LSAMP: variants seen among roughly 807,000 people sequenced by gnomAD.
LSAMP encodes the protein limbic system-associated membrane protein.
In LSAMP, 7 loss-of-function variants were observed where a neutral mutation model predicts 38.6. That is an observed-to-expected ratio of 0.18 (90% CI 0.10 to 0.34). The LOEUF (loss-of-function observed/expected upper bound fraction) is 0.34. Among genes scored for constraint, LSAMP ranks in the 10% least tolerant of loss-of-function variants. The pLI, the probability that LSAMP is intolerant of heterozygous loss-of-function variation, is 1.00. For missense variants in LSAMP, 313 were observed against 420.0 expected, an observed-to-expected ratio of 0.75 and a Z score of 2.23; for synonymous variants, 154 against 166.8, an observed-to-expected ratio of 0.92 and a Z score of 0.59.
chr3:116,197,637 T>C (rs1576425912), intron 1 of LSAMP, among the ~76,000 whole-genome samples: 1 of 152,328 alleles, frequency 6.6e-6, no homozygotes, highest in East Asian at 1.9e-4. Context: ...TCTTAATTCT[T>C]CTATTTCAGT....
intron 1 of LSAMP, among the ~76,000 whole-genome samples, chr3:116,287,180 T>C (rs142655183): frequency 1.1e-3 from 173 of 152,216 alleles, no homozygotes; most frequent in Middle Eastern, 6.8e-3. Flanking sequence ...TGTGTGTACA[T>C]GTATATGGAG....
At chr3:116,419,492 T>A (rs1380288414) in intron 1 of LSAMP, among the ~76,000 whole-genome samples, 1 of 152,074 alleles carries the variant, frequency 6.6e-6, no homozygotes, top group African/African-American at 2.4e-5. Flanking sequence ...AGAAAATGAG[T>A]GCTCTGAGGT....
chr3:116,132,651 CT>C (rs1681202924), intron 1 of LSAMP, among the ~76,000 whole-genome samples: 2 of 152,286 alleles, frequency 1.3e-5, no homozygotes, highest in Non-Finnish European at 2.9e-5. Context: ...CAAATGTCTC[CT>C]TTTTCTTATT....
At chr3:116,071,806 G>A (rs534870495) in intron 2 of LSAMP, among the ~76,000 whole-genome samples, 3 of 152,090 alleles carry the variant, frequency 2.0e-5, no homozygotes, top group African/African-American at 7.2e-5. Context: ...GTGTCCATAT[G>A]TTTTCATCAT....
chr3:116,241,499 G>A (rs1406259237), intron 1 of LSAMP, among the ~76,000 whole-genome samples: 2 of 152,168 alleles, frequency 1.3e-5, no homozygotes, highest in Admixed American at 6.5e-5. Flanking sequence ...CCCAGGAGGT[G>A]GAAGTTGCAG....
chr3:116,329,426 G>C (rs2047819626), intron 1 of LSAMP, among the ~76,000 whole-genome samples: 1 of 152,134 alleles, frequency 6.6e-6, no homozygotes, highest in Middle Eastern at 3.2e-3. Context: ...TGAAATTAAA[G>C]TAGTTCTCCT....
At chr3:115,868,426 A>T (rs1400602735) in intron 3 of LSAMP, among the ~76,000 whole-genome samples, 1 of 152,166 alleles carries the variant, frequency 6.6e-6, no homozygotes, top group Non-Finnish European at 1.5e-5. Context: ...TTGTCAAAAC[A>T]GGAATATTAT....
At chr3:116,332,135 C>CG (rs1220329917) in intron 1 of LSAMP, among the ~76,000 whole-genome samples, 11 of 152,064 alleles carry the variant, frequency 7.2e-5, no homozygotes, top group South Asian at 2.1e-4. Flanking sequence ...CCACCACACC[C>CG]GGCCTTCACT....
chr3:116,208,893 G>A lies in LSAMP; in HGVS notation c.156-122337C>T, dbSNP rs370748079. On this transcript the variant is annotated intron_variant, in intron 1 of 6. Coordinates refer to ENST00000490035, the MANE Select transcript of LSAMP (RefSeq NM_002338.5). ...GCCCCCAGAGGTGGAGCCTACAGAG[G>A]CAGGCAGGCCTCCTTGAGCTGTGGT... Among the ~76,000 whole-genome samples the A allele has an allele frequency of 9.4e-4, 143 of 152,342 alleles. 4 individuals carry two copies. The East Asian group carries it at 0.021, about 22-fold the overall frequency.
At chr3:116,203,080 A>T (rs2046010138) in intron 1 of LSAMP, among the ~76,000 whole-genome samples, 1 of 152,232 alleles carries the variant, frequency 6.6e-6, no homozygotes, top group South Asian at 2.1e-4. Flanking sequence ...ACAAATAATA[A>T]GAGCTTTATT....
At chr3:116,162,315 T>C (rs1237986042) in intron 1 of LSAMP, among the ~76,000 whole-genome samples, 2 of 152,068 alleles carry the variant, frequency 1.3e-5, no homozygotes, top group Non-Finnish European at 2.9e-5. Context: ...CACAGCTTGG[T>C]GAAGTCACCT....
intron 1 of LSAMP, among the ~76,000 whole-genome samples, chr3:116,288,879 T>C (rs150584489): frequency 9.1e-4 from 139 of 152,348 alleles, no homozygotes; most frequent in Non-Finnish European, 1.5e-3. Flanking sequence ...ACAAACAGTA[T>C]GCCAGTTCAT....
intron 1 of LSAMP, among the ~76,000 whole-genome samples, chr3:116,425,001 GAA>G (rs775969635): frequency 1.5e-5 from 2 of 131,560 alleles, no homozygotes; most frequent in South Asian, 2.5e-4. Flanking sequence ...GTTGAAGAAG[GAA>G]AAAAAAAAAA....
At chr3:116,187,522 A>G (rs952882074) in intron 1 of LSAMP, among the ~76,000 whole-genome samples, 1 of 152,152 alleles carries the variant, frequency 6.6e-6, no homozygotes, top group Non-Finnish European at 1.5e-5. Context: ...CTATTACCTC[A>G]AAATGTCAGC....
At chr3:115,866,390 A>C (rs1469131555) in intron 3 of LSAMP, among the ~76,000 whole-genome samples, 1 of 152,140 alleles carries the variant, frequency 6.6e-6, no homozygotes, top group Non-Finnish European at 1.5e-5. Context: ...TGGTATAATC[A>C]CTAGATTTCC....
rs1160637741 is a variant in LSAMP, at chr3:115,916,274, G to C, written c.515-63657C>G. Among the ~76,000 whole-genome samples, 5 of 152,148 alleles carry C rather than the reference G, an allele frequency of 3.3e-5. No homozygotes were observed. In the East Asian group the frequency reaches 7.7e-4, roughly 23 times the overall value. On this transcript the variant is annotated intron_variant, in intron 3 of 6. Transcript: ENST00000490035. ...GAGGGATTCAGAATGAAAAACAATG[G>C]AGAGCTGCAAGGGGCTCAGCAGCCA...
At chr3:116,249,312 G>A (rs1220098563) in intron 1 of LSAMP, among the ~76,000 whole-genome samples, 1 of 151,940 alleles carries the variant, frequency 6.6e-6, no homozygotes, top group Non-Finnish European at 1.5e-5. Context: ...TCCATGCCAA[G>A]ATGACAAGAC....
At chr3:116,201,920 T>G (rs2045992191) in intron 1 of LSAMP, among the ~76,000 whole-genome samples, 1 of 152,160 alleles carries the variant, frequency 6.6e-6, no homozygotes, top group Non-Finnish European at 1.5e-5. Context: ...TGTTTTCCAT[T>G]CTATTACTCA....
chr3:115,998,395 T>C (rs1351868166), intron 3 of LSAMP, among the ~76,000 whole-genome samples: 2 of 152,126 alleles, frequency 1.3e-5, no homozygotes, highest in East Asian at 3.9e-4. Flanking sequence ...TGCTGAATAG[T>C]CTAGCAGAGA....
Sources: allele counts gnomAD v4.1 joint callset (sites outside exome capture counted in the v4.1 genomes callset), GRCh38; gene constraint gnomAD v4.1.1; transcripts MANE v1.5; gene names NCBI Gene and HGNC (gene_info 2026-07-23, HGNC 2026-07-21).